The following MVD variants were observed in gnomAD, a reference collection of about 807,000 sequenced individuals.
MVD encodes the protein mevalonate diphosphate decarboxylase, also known as diphosphomevalonate decarboxylase.
A neutral mutation model predicts 42.4 loss-of-function variants in MVD; 52 were observed. That is an observed-to-expected ratio of 1.23 (90% CI 0.98 to 1.55). The LOEUF (loss-of-function observed/expected upper bound fraction) is 1.55, where lower values mean the gene tolerates loss of function less well. MVD is among the 40% of genes most tolerant of loss of function. The pLI is 0.00. For missense variants in MVD, 663 were observed against 572.1 expected, an observed-to-expected ratio of 1.16 and a Z score of -1.62; for synonymous variants, 287 against 243.2, an observed-to-expected ratio of 1.18 and a Z score of -1.68.
rs770116489 is a variant in MVD at position 88,655,268 on chromosome 16, G to C, written c.828C>G (p.Tyr276Ter). 1.3e-6 allele frequency: 2 copies of C among 1,590,858 alleles called. No individual in the cohort carries two copies. Among genetic ancestry groups the C allele is most frequent in the East Asian group, 4.6e-5 (2 of 43,814 alleles). Residue 276 changes from tyrosine (Y) to a stop codon, truncating the protein, a stop_gained, in exon 7 of 10, where the codon TAC (tyrosine) becomes TAG (stop). Transcript: ENST00000301012. LOFTEE classifies it high-confidence loss of function. ...TGATGCGCCAGGAGATGGCATTGAG[G>C]TAAGAGATGGGCGGGAAGGTGTCGA... ...TCLDTFPPIS[Y>*]LNAISWRIIH...
At position 88,662,749 on chromosome 16, in the gene MVD, C is replaced by A. The variant is rs1597385118; in HGVS notation, c.70+262G>T. On this transcript the variant is annotated intron_variant, in intron 1 of 9. Transcript: ENST00000301012. The stretch of plus-strand genomic sequence containing the variant: ...TCGATGATTGATGATTTCGATAGTT[C>A]GGTAATCGCTAATGGGCAGGCGCCG... 9 of 1,476,426 alleles carry A rather than the reference C, an allele frequency of 6.1e-6. No individual in the cohort carries two copies. In the East Asian group the frequency reaches 2.6e-4, roughly 43 times the overall value. The allele number at this position is 1,476,426 out of a possible 1,614,324, so 91.5% of individuals were successfully genotyped here. A position where few individuals can be genotyped will look rare whatever the true frequency, so the allele number is the denominator to read the frequency against.
At chr16:88,661,073 C>T (rs1176928339) in intron 1 of MVD, among the ~76,000 whole-genome samples, 3 of 148,582 alleles carry the variant, frequency 2.0e-5, no homozygotes, top group Non-Finnish European at 4.4e-5. Context: ...CACAAACATG[C>T]CCAGCTGATT....
intron 4 of MVD, chr16:88,657,149 G>A (rs1180553470): frequency 9.7e-6 from 6 of 615,820 alleles, no homozygotes; most frequent in Non-Finnish European, 1.8e-5. Context: ...GTCTCACTAT[G>A]TTGCCCAGGC....
At position 88,653,408 on chromosome 16, in the gene MVD, C is replaced by T; in HGVS notation, c.1014G>A (p.Thr338=). 1 of 1,606,178 alleles carries T rather than the reference C, an allele frequency of 6.2e-7. No homozygotes were observed. The highest frequency in any genetic ancestry group is 8.5e-7 in the Non-Finnish European group (1 of 1,177,810). The change falls in exon 9 of 10, where the codon ACG becomes ACA. Residue 338 remains threonine, a splice_region_variant and synonymous_variant. Transcript: ENST00000301012. The stretch of plus-strand genomic sequence containing the variant: ...GCCTCACCTGCAGCCCCTTCAGAAA[C>T]CTGGAAAAGCAGGGCAGGGGCACGG... The part of the protein sequence containing the change: ...HGFPPGSNGD[T]FLKGLQVRPA...
chr16:88,661,718 A>G (rs1328516524), intron 1 of MVD, among the ~76,000 whole-genome samples: 1 of 152,048 alleles, frequency 6.6e-6, no homozygotes, highest in East Asian at 1.9e-4. Flanking sequence ...GCACATCCCT[A>G]CCAGGACGCG....
chr16:88,658,001 C>A lies in MVD; in HGVS notation c.170G>T (p.Ser57Ile). The change falls in exon 3 of 10, where the codon AGC becomes ATC. Residue 57 changes from serine (S) to isoleucine (I), a missense_variant. By Grantham distance (142) the Ser-to-Ile change is moderately radical. Transcript: ENST00000301012. The stretch of plus-strand genomic sequence containing the variant: ...AATCCGGTCCTCGGTGAAGTCCTTG[C>A]TGATGACGGCTGTTGTGGTGGTTTT... ...QLKTTTTAVI[S>I]KDFTEDRIWL... 2.5e-6 allele frequency: 4 copies of A among 1,614,092 alleles called. No homozygotes were observed. The highest frequency in any genetic ancestry group is 3.4e-6 in the Non-Finnish European group (4 of 1,180,034).
Position 88,652,457 on chromosome 16 carries a change from C to T in MVD, c.*68G>A, listed in dbSNP as rs8854. 0.098 allele frequency: 148,642 copies of T among 1,515,130 alleles called. 7,804 individuals carry two copies. The highest frequency in any genetic ancestry group is 0.12 in the Admixed American group (6,268 of 50,944). The allele number at this position is 1,515,130 out of a possible 1,614,324, so 93.9% of individuals were successfully genotyped here. A position where few individuals can be genotyped will look rare whatever the true frequency, so the allele number is the denominator to read the frequency against. On this transcript the variant is annotated 3_prime_UTR_variant, in exon 10 of 10. Transcript: ENST00000301012. ...TGTCCCAGGAGTCCGGCCAGCCCAC[C>T]ACATCCGCTCCCTAGCTCCGGCGAG...
At chr16:88,661,411 C>T (rs189859208) in intron 1 of MVD, among the ~76,000 whole-genome samples, 13 of 151,988 alleles carry the variant, frequency 8.6e-5, no homozygotes, top group Admixed American at 3.9e-4. Flanking sequence ...TCAGTAGAGA[C>T]GGGGGTTTCA....
intron 8 of MVD, among the ~76,000 whole-genome samples, chr16:88,653,948 C>A (rs901352569): frequency 6.6e-6 from 1 of 152,088 alleles, no homozygotes; most frequent in Non-Finnish European, 1.5e-5. Flanking sequence ...TGCTCCCACC[C>A]GGGACAGACG....
chr16:88,655,175 C>A (rs1173730692), intron 7 of MVD, 24 bp downstream of exon 7: 2 of 1,549,872 alleles, frequency 1.3e-6, no homozygotes, highest in Non-Finnish European at 1.7e-6. Context: ...CGAGCGCAGC[C>A]TCTGCCCTCC....
At chr16:88,661,439 G>T (rs1908283689) in intron 1 of MVD, among the ~76,000 whole-genome samples, 1 of 151,956 alleles carries the variant, frequency 6.6e-6, no homozygotes, top group African/African-American at 2.4e-5. Context: ...GGCCAAGCTG[G>T]TCTCAAACTC....
rs556259038 is a variant in MVD, at chr16:88,662,770, C to A, written c.70+241G>T. 1.9e-4 allele frequency: 276 copies of A among 1,482,970 alleles called. 4 individuals carry two copies. The South Asian group carries it at 3.3e-3, about 18-fold the overall frequency. The allele number at this position is 1,482,970 out of a possible 1,614,324, so 91.9% of individuals were successfully genotyped here. On this transcript the variant is annotated intron_variant, in intron 1 of 9. Transcript: ENST00000301012. Reference sequence around the variant, plus strand: ...AGTTCGGTAATCGCTAATGGGCAGGCGCCGGGCGACCCTGCAGGGGCGGCA... The same window carrying A: ...AGTTCGGTAATCGCTAATGGGCAGGAGCCGGGCGACCCTGCAGGGGCGGCA...
rs766800711 is a variant in MVD at position 88,657,568 on chromosome 16, G to A, written c.271C>T (p.Arg91Trp). 4.7e-5 allele frequency: 75 copies of A among 1,612,454 alleles called. No homozygotes were observed. The highest frequency in any genetic ancestry group is 3.0e-4 in the Admixed American group (18 of 59,998). ...CCATCCCGTGAGTTCCTCCGCTTCC[G>A]GGCCAGGCAGCGGACTGCAGAGACA... is the stretch of plus-strand genomic sequence containing the variant. ...ACLREIRCLA[R>W]KRRNSRDGDP... The change falls in exon 4 of 10, where the codon CGG becomes TGG. Residue 91 changes from arginine (R) to tryptophan (W), a missense_variant. Transcript: ENST00000301012.
intron 4 of MVD, chr16:88,656,855 C>A (rs1012970608): frequency 1.1e-5 from 3 of 265,398 alleles, no homozygotes; most frequent in Middle Eastern, 1.4e-3. Flanking sequence ...GGAAGCGTCA[C>A]CCCTGGAGTT....
chr16:88,652,690 G>T, intron 9 of MVD, 85 bp from the exon 10 acceptor site: 2 of 1,299,440 alleles, frequency 1.5e-6, no homozygotes, highest in Non-Finnish European at 2.1e-6. Flanking sequence ...ACACAGGAGG[G>T]TAGCGGTGTG....
intron 1 of MVD, among the ~76,000 whole-genome samples, chr16:88,662,361 C>T (rs901051176): frequency 1.3e-5 from 2 of 152,166 alleles, no homozygotes; most frequent in South Asian, 2.1e-4. Flanking sequence ...ACTGGGTGGG[C>T]CACATAACTG....
intron 5 of MVD, 63 bp from the exon 6 acceptor site, chr16:88,655,793 C>T: frequency 2.0e-6 from 3 of 1,524,042 alleles, no homozygotes; most frequent in South Asian, 1.2e-5. Context: ...GGACCTCAGC[C>T]TCAAACACTC....
chr16:88,660,401 T>G (rs1246727696), intron 1 of MVD: 2 of 152,156 alleles, frequency 1.3e-5, no homozygotes, highest in Non-Finnish European at 2.9e-5. Flanking sequence ...TCCCAGCACT[T>G]TGGGAGGCCG....
intron 4 of MVD, chr16:88,656,943 TG>T: frequency 3.1e-6 from 1 of 327,118 alleles, no homozygotes; most frequent in Admixed American, 4.3e-5. Flanking sequence ...GCAAGTGGCC[TG>T]GGGCCAGCAG....
Sources: gnomAD v4.1 joint callset for allele counts (sites outside exome capture counted in the v4.1 genomes callset) on GRCh38, gnomAD v4.1.1 for gene constraint, MANE v1.5 for transcripts, NCBI Gene and HGNC (gene_info 2026-07-23, HGNC 2026-07-21) for gene names.